The following COG1 variants were observed in gnomAD, a reference collection of about 807,000 sequenced individuals.
COG1 encodes component of oligomeric golgi complex 1.
A neutral mutation model predicts 102.2 loss-of-function variants in COG1; 61 were observed. The observed-to-expected ratio is 0.60, with a 90% confidence interval of 0.49 to 0.74. The LOEUF (loss-of-function observed/expected upper bound fraction) is 0.74. COG1 is among the 30% of genes least tolerant of loss of function. The pLI, the probability that COG1 is intolerant of heterozygous loss-of-function variation, is 0.00. For missense variants in COG1, 1,164 were observed against 1,232.1 expected, an observed-to-expected ratio of 0.94 and a Z score of 0.83; for synonymous variants, 454 against 493.6, an observed-to-expected ratio of 0.92 and a Z score of 1.06.
chr17:73,204,947 G>C (rs1439833590), intron 9 of COG1, among the ~76,000 whole-genome samples: 1 of 152,194 alleles, frequency 6.6e-6, no homozygotes, highest in Non-Finnish European at 1.5e-5. Flanking sequence ...TGGATCACTT[G>C]AGGCCAGGAG....
chr17:73,207,455 A>G, intron 13 of COG1, 199 bp downstream of exon 13: 1 of 698,042 alleles, frequency 1.4e-6, no homozygotes, highest in Non-Finnish European at 2.5e-6. Context: ...ATGCCCGCTG[A>G]CACTACCAAG....
In COG1 at chr17:73,201,604, G is replaced by A; in HGVS notation, c.1777G>A (p.Glu593Lys). 1.2e-6 allele frequency: 2 copies of A among 1,614,246 alleles called. No individual in the cohort carries two copies. The highest frequency in any genetic ancestry group is 1.7e-6 in the Non-Finnish European group (2 of 1,180,048). The change falls in exon 7 of 14, where the codon GAA becomes AAA. Residue 593 changes from glutamate to lysine, a missense_variant. Transcript: ENST00000299886. ...DCIRAELQSI[E>K]EGVQGQQDAL... ...CATCCGGGCAGAGCTACAGAGCATT[G>A]AAGAGGGTGTGCAAGGGCAACAGGA...
At chr17:73,193,963 C>A (rs2061313709) in intron 1 of COG1, among the ~76,000 whole-genome samples, 1 of 152,044 alleles carries the variant, frequency 6.6e-6, no homozygotes, top group Admixed American at 6.5e-5. Context: ...TCATGAGCCA[C>A]CACAGCCGGC....
chr17:73,207,934 TAAA>T, intron 13 of COG1: 14 of 1,071,746 alleles, frequency 1.3e-5, no homozygotes, highest in East Asian at 6.2e-5. Context: ...GATGGTAGTT[TAAA>T]AAAAAAAAAA....
intron 7 of COG1, 156 bp from the exon 8 acceptor site, chr17:73,202,844 C>G: frequency 1.3e-6 from 1 of 797,708 alleles, no homozygotes; most frequent in East Asian, 2.5e-5. Flanking sequence ...ATTCCCATGG[C>G]TGATATCATT....
chr17:73,201,778 A>T lies in COG1; in HGVS notation c.1951A>T (p.Lys651Ter). ...KPAREFRALR[K>*]QGKVKTQEII... The stretch of plus-strand genomic sequence containing the variant: ...AGCAAGGGAGTTTAGGGCTCTGAGA[A>T]AACAGGGAAAGGTGAAAACTCAGGA... The change falls in exon 7 of 14, where the codon AAA becomes TAA. Residue 651 changes from lysine to a stop codon, truncating the protein, a stop_gained. Transcript: ENST00000299886. LOFTEE classifies it high-confidence loss of function. 6.2e-7 allele frequency: 1 copy of T among 1,614,204 alleles called. No individual in the cohort carries two copies. The highest frequency in any genetic ancestry group is 8.5e-7 in the Non-Finnish European group (1 of 1,180,032).
At position 73,201,385 on chromosome 17, in the gene COG1, G is replaced by T. The variant is rs904722460; in HGVS notation, c.1558G>T (p.Ala520Ser). Reference sequence around the variant, plus strand: ...CCCTTGTGTACAGAACTTCTGTTCTGCCCTGGATTCTAAGCTGAAGGTTAA... The same window carrying T: ...CCCTTGTGTACAGAACTTCTGTTCTTCCCTGGATTCTAAGCTGAAGGTTAA... ...ISPCVQNFCS[A>S]LDSKLKVKLD... The change falls in exon 7 of 14, where the codon GCC (alanine) becomes TCC (serine). Residue 520 changes from alanine to serine, a missense_variant. Ala to Ser is a moderately conservative substitution (Grantham distance 99). Transcript: ENST00000299886. 1.2e-6 allele frequency: 2 copies of T among 1,614,066 alleles called. No individual in the cohort carries two copies. The highest frequency in any genetic ancestry group is 1.3e-5 in the African/African-American group (1 of 74,918).
intron 6 of COG1, among the ~76,000 whole-genome samples, 156 bp from the exon 7 acceptor site, chr17:73,200,953 G>A (rs576093225): frequency 2.0e-5 from 3 of 152,254 alleles, no homozygotes; most frequent in Non-Finnish European, 2.9e-5. Context: ...ATGGGCCCAT[G>A]TTCATCAATA....
In COG1 at chr17:73,205,686, G is replaced by A. The variant is rs1042675418; in HGVS notation, c.2510+6G>A. The A allele has an allele frequency of 1.4e-5, 23 of 1,613,258 alleles. No homozygotes were observed. The highest frequency in any genetic ancestry group is 6.7e-5 in the African/African-American group (5 of 74,900). On this transcript the variant is annotated splice_donor_region_variant and intron_variant, in intron 10 of 13. Coordinates refer to ENST00000299886, the MANE Select transcript of COG1 (RefSeq NM_018714.3). ...CGGAGCAAGCCAGACTCCAGGTGTC[G>A]TATCCTCTAGGGAGCTATGTCAAGG...
rs2061328332 is a variant in COG1 at position 73,197,057 on chromosome 17, A to G, written c.718A>G (p.Lys240Glu). ...GCTGGCCAGAAAGGCAACTATTCAG[A>G]AACTTCTCAACCAGCCACACCATGG... ...FLLARKATIQ[K>E]LLNQPHHGAG... The change falls in exon 3 of 14, where the codon AAA becomes GAA. Residue 240 changes from lysine to glutamate, a missense_variant. Coordinates refer to ENST00000299886, the MANE Select transcript of COG1 (RefSeq NM_018714.3). 1.2e-6 allele frequency: 2 copies of G among 1,614,082 alleles called. No individual in the cohort carries two copies. The highest frequency in any genetic ancestry group is 2.7e-5 in the African/African-American group (2 of 74,930).
chr17:73,196,246 C>T (rs2061324483), intron 1 of COG1, among the ~76,000 whole-genome samples: 1 of 152,074 alleles, frequency 6.6e-6, no homozygotes, highest in South Asian at 2.1e-4. Flanking sequence ...GGAGGTGGGG[C>T]CTGGTGGGAG....
intron 4 of COG1, among the ~76,000 whole-genome samples, 177 bp from the exon 5 acceptor site, chr17:73,199,688 C>T (rs1294131177): frequency 2.0e-5 from 3 of 152,150 alleles, no homozygotes; most frequent in Non-Finnish European, 4.4e-5. Flanking sequence ...GATCCTCCTA[C>T]CTCAGTCTCC....
At chr17:73,197,615 A>G (rs2061330950) in intron 4 of COG1, among the ~76,000 whole-genome samples, 1 of 152,226 alleles carries the variant, frequency 6.6e-6, no homozygotes, top group Non-Finnish European at 1.5e-5. Flanking sequence ...GGTCATTGCT[A>G]GAAAGGCTTA....
In COG1 at chr17:73,206,711, C is replaced by A; in HGVS notation, c.2623C>A (p.Leu875Met). 6.3e-7 allele frequency: 1 copy of A among 1,583,736 alleles called. No individual in the cohort carries two copies. Among genetic ancestry groups the A allele is most frequent in the Non-Finnish European group, 8.6e-7 (1 of 1,164,058 alleles). The change falls in exon 12 of 14, where the codon CTG becomes ATG. Residue 875 changes from leucine to methionine, a missense_variant. Coordinates refer to ENST00000299886, the MANE Select transcript of COG1 (RefSeq NM_018714.3). Reference sequence around the variant, plus strand: ...TGCTCCACCTCTTGTCTGCCAGGTTCTGTTTGGATTGGTGACTGGTACAGA... The same window carrying A: ...TGCTCCACCTCTTGTCTGCCAGGTTATGTTTGGATTGGTGACTGGTACAGA... ...LHRLVQRTSV[L>M]FGLVTGTENQ...
chr17:73,198,690 G>A (rs2061334857), intron 4 of COG1, among the ~76,000 whole-genome samples: 1 of 152,188 alleles, frequency 6.6e-6, no homozygotes, highest in South Asian at 2.1e-4. Flanking sequence ...ATCGCTGGGA[G>A]GTCTAGTTGG....
rs1384278297 is a variant in COG1, at chr17:73,203,512, C to T, written c.2221-120C>T. 2.4e-5 allele frequency: 29 copies of T among 1,198,208 alleles called. No homozygotes were observed. The East Asian group carries it at 6.6e-4, about 27-fold the overall frequency. The allele number at this position is 1,198,208 out of a possible 1,614,324, so 74.2% of individuals were successfully genotyped here. A position where few individuals can be genotyped will look rare whatever the true frequency, so the allele number is the denominator to read the frequency against. On this transcript the variant is annotated intron_variant, in intron 8 of 13. Coordinates refer to ENST00000299886, the MANE Select transcript of COG1 (RefSeq NM_018714.3). ...TGCTGAACAGTCTGCCTGTAAGAAG[C>T]GTTGCTGAGAGGGGTCAAAGTCCTG...
chr17:73,196,677 T>C lies in COG1; in HGVS notation c.486T>C (p.Ser162=), dbSNP rs1281478670. The part of the protein sequence containing the change: ...HLHSLLQLDS[S]SSRYSPVLSR... ...ACAGCCTGCTCCAGCTGGATTCTTC[T>C]AGTTCCCGATACAGTCCCGTCCTCT... The change falls in exon 2 of 14, where the codon TCT becomes TCC. Residue 162 remains serine (S), a synonymous_variant. Coordinates refer to ENST00000299886, the MANE Select transcript of COG1 (RefSeq NM_018714.3). The C allele has an allele frequency of 1.9e-6, 3 of 1,614,078 alleles. No homozygotes were observed. Among genetic ancestry groups the C allele is most frequent in the Non-Finnish European group, 2.5e-6 (3 of 1,180,048 alleles).
At chr17:73,194,050 C>G (rs1599321475) in intron 1 of COG1, among the ~76,000 whole-genome samples, 1 of 152,110 alleles carries the variant, frequency 6.6e-6, no homozygotes, top group Admixed American at 6.5e-5. Context: ...CTCCTTATCC[C>G]GTGTTCTTCC....
intron 4 of COG1, among the ~76,000 whole-genome samples, chr17:73,199,642 A>G (rs1450555612): frequency 6.6e-6 from 1 of 152,098 alleles, no homozygotes; most frequent in Non-Finnish European, 1.5e-5. Flanking sequence ...TGGCATGATC[A>G]TGGGTCACTG....
Sources: gnomAD v4.1 joint callset for allele counts (sites outside exome capture counted in the v4.1 genomes callset) on GRCh38, gnomAD v4.1.1 for gene constraint, MANE v1.5 for transcripts, NCBI Gene and HGNC (gene_info 2026-07-23, HGNC 2026-07-21) for gene names.